BCR: variants seen among roughly 807,000 people sequenced by gnomAD.
The protein encoded by BCR is BCR activator of RhoGEF and GTPase, also known as breakpoint cluster region protein.
In BCR, 58 loss-of-function variants were observed where a neutral mutation model predicts 138.6. The observed-to-expected ratio is 0.42, with a 90% CI of 0.34 to 0.52. The LOEUF (loss-of-function observed/expected upper bound fraction) is 0.52, where lower values mean the gene tolerates loss of function less well. Among genes scored for constraint, BCR ranks in the 20% least tolerant of loss-of-function variants. The pLI, the probability that BCR is intolerant of heterozygous loss-of-function variation, is 0.06. For missense variants in BCR, 1,599 were observed against 1,727.2 expected, an observed-to-expected ratio of 0.93 and a Z score of 1.32; for synonymous variants, 786 against 730.1, an observed-to-expected ratio of 1.08 and a Z score of -1.23.
chr22:23,195,182 A>T (rs2072463063), intron 1 of BCR, among the ~76,000 whole-genome samples: 1 of 151,844 alleles, frequency 6.6e-6, no homozygotes, highest in South Asian at 2.1e-4. Context: ...GCACTTTGGG[A>T]GGCCGAGGCA....
At chr22:23,291,810 A>G (rs1159734182) in intron 14 of BCR, among the ~76,000 whole-genome samples, 2 of 152,080 alleles carry the variant, frequency 1.3e-5, no homozygotes, top group Non-Finnish European at 1.5e-5. Context: ...GCCATTCTCC[A>G]TCAGTGAGGC....
At chr22:23,233,132 G>T (rs1053411600) in intron 1 of BCR, among the ~76,000 whole-genome samples, 1 of 152,134 alleles carries the variant, frequency 6.6e-6, no homozygotes, top group South Asian at 2.1e-4. Flanking sequence ...GGACCCCTTG[G>T]CATCTCCAGG....
chr22:23,194,224 C>T (rs555023959), intron 1 of BCR, among the ~76,000 whole-genome samples: 1 of 152,256 alleles, frequency 6.6e-6, no homozygotes, highest in South Asian at 2.1e-4. Flanking sequence ...CCACTTTCTC[C>T]CTTAGGAACA....
intron 16 of BCR, among the ~76,000 whole-genome samples, chr22:23,296,445 C>T (rs1210815603): frequency 6.6e-6 from 1 of 151,696 alleles, no homozygotes; most frequent in African/African-American, 2.4e-5. Context: ...TTCCCTGAGT[C>T]ACCTGTCATC....
In BCR at chr22:23,181,104, G is replaced by A; in HGVS notation, c.144G>A (p.Glu48=). The change falls in exon 1 of 23, where the codon GAG becomes GAA. Residue 48 remains glutamate (E), a synonymous_variant. Transcript: ENST00000305877. ...CCTCCATTCGGCGCCTGGAGCAGGAGGTGAACCAGGAGCGCTTCCGCATGA... is the reference window on the plus strand; with the variant it reads ...CCTCCATTCGGCGCCTGGAGCAGGAAGTGAACCAGGAGCGCTTCCGCATGA... ...CKASIRRLEQ[E]VNQERFRMIY... is the part of the protein sequence containing the mutation. 1 of 1,509,040 alleles carries A rather than the reference G, an allele frequency of 6.6e-7. No homozygotes were observed. The highest frequency in any genetic ancestry group is 8.9e-7 in the Non-Finnish European group (1 of 1,121,888). 93.5% of individuals were successfully genotyped at this position (1,509,040 alleles called of 1,614,324 possible). A position where few individuals can be genotyped will look rare whatever the true frequency, so the allele number is the denominator to read the frequency against.
At chr22:23,213,853 A>G (rs1467027874) in intron 1 of BCR, among the ~76,000 whole-genome samples, 2 of 148,462 alleles carry the variant, frequency 1.3e-5, no homozygotes, top group Non-Finnish European at 2.9e-5. Context: ...AAAAAAAAGA[A>G]GAAGAAGGAG....
At chr22:23,297,869 A>T (rs2146314921) in intron 16 of BCR, among the ~76,000 whole-genome samples, 1 of 152,292 alleles carries the variant, frequency 6.6e-6, no homozygotes, top group Admixed American at 6.5e-5. Context: ...TTATCATGTC[A>T]GGCCATCTTT....
intron 1 of BCR, among the ~76,000 whole-genome samples, chr22:23,236,377 A>G (rs978104069): frequency 6.6e-6 from 1 of 152,162 alleles, no homozygotes; most frequent in African/African-American, 2.4e-5. Flanking sequence ...TGTGTTGCTG[A>G]CTTATGAGAC....
At chr22:23,297,958 G>A (rs2073864341) in intron 16 of BCR, among the ~76,000 whole-genome samples, 1 of 152,168 alleles carries the variant, frequency 6.6e-6, no homozygotes, top group South Asian at 2.1e-4. Context: ...GGTGCTGGCT[G>A]AGCACCCCAC....
intron 1 of BCR, among the ~76,000 whole-genome samples, chr22:23,214,159 C>A (rs946912935): frequency 1.3e-5 from 2 of 149,564 alleles, no homozygotes; most frequent in African/African-American, 2.5e-5. Context: ...TGACAGATAG[C>A]GGGAGAGGAT....
chr22:23,223,094 C>T (rs11913254), intron 1 of BCR, among the ~76,000 whole-genome samples: 4,063 of 152,286 alleles, frequency 0.027, 83 homozygotes, highest in Non-Finnish European at 0.038. Flanking sequence ...TCCACCCTTA[C>T]GACCTCATCA....
At chr22:23,301,209 G>A (rs2073898656) in intron 16 of BCR, among the ~76,000 whole-genome samples, 1 of 152,272 alleles carries the variant, frequency 6.6e-6, no homozygotes, top group South Asian at 2.1e-4. Flanking sequence ...GGGAAGCCAA[G>A]GTAGGAGAAT....
At position 23,290,355 on chromosome 22, in the gene BCR, G is replaced by T. The variant is rs539457748; in HGVS notation, c.2724G>T (p.Gly908=). Residue 908 remains glycine, a synonymous_variant, in exon 14 of 23, where the codon GGG becomes GGT. Coordinates refer to ENST00000305877, the MANE Select transcript of BCR (RefSeq NM_004327.4). ...CTTGCGCAGATGATGAGTCTCCGGG[G>T]CTCTATGGGTTTCTGAATGTCATCG... ...TINKEDDESP[G]LYGFLNVIVH... 4 of 1,614,086 alleles carry T rather than the reference G, an allele frequency of 2.5e-6. No homozygotes were observed. The Admixed American group carries it at 5.0e-5, about 20-fold the overall frequency.
chr22:23,285,938 C>T (rs1286610584), intron 10 of BCR, among the ~76,000 whole-genome samples: 2 of 152,188 alleles, frequency 1.3e-5, no homozygotes, highest in Non-Finnish European at 2.9e-5. Flanking sequence ...GTCAGCCGGG[C>T]GGGAGAGAGG....
intron 1 of BCR, among the ~76,000 whole-genome samples, chr22:23,202,214 T>A (rs1452856034): frequency 6.6e-6 from 1 of 152,160 alleles, no homozygotes; most frequent in Non-Finnish European, 1.5e-5. Flanking sequence ...TTAAATAGCT[T>A]CACTGAGGTA....
chr22:23,293,902 G>A (rs370579982), intron 15 of BCR, among the ~76,000 whole-genome samples: 6 of 150,828 alleles, frequency 4.0e-5, no homozygotes, highest in South Asian at 2.1e-4. Flanking sequence ...GCGCGCACAC[G>A]CCTCGGTGTG....
Position 23,181,598 on chromosome 22 carries a change from A to G in BCR, c.638A>G (p.Lys213Arg), listed in dbSNP as rs539944551. The stretch of plus-strand genomic sequence containing the variant: ...AGCCAGGCCATGCAGATGGAGCGCA[A>G]AAAGTCCCAGCACGGCGCGGGCTCG... ...LGSQAMQMER[K>R]KSQHGAGSSV... is the part of the protein sequence containing the mutation. Residue 213 changes from lysine (K) to arginine (R), a missense_variant, in exon 1 of 23, where the codon AAA becomes AGA. Lys to Arg is a conservative substitution (Grantham distance 26). Coordinates refer to ENST00000305877, the MANE Select transcript of BCR (RefSeq NM_004327.4). 1.6e-5 allele frequency: 25 copies of G among 1,612,630 alleles called. No individual in the cohort carries two copies. Among genetic ancestry groups the G allele is most frequent in the South Asian group, 3.3e-5 (3 of 91,082 alleles).
intron 1 of BCR, among the ~76,000 whole-genome samples, chr22:23,224,892 A>AG (rs2072870509): frequency 6.6e-6 from 1 of 152,012 alleles, no homozygotes. Flanking sequence ...CCCCAAAAAA[A>AG]CAAAACCTGG....
chr22:23,292,432 T>A (rs748360625), intron 14 of BCR, 109 bp from the exon 15 acceptor site: 85 of 882,496 alleles, frequency 9.6e-5, no homozygotes, highest in Admixed American at 1.7e-4. Flanking sequence ...ACAACCTTTT[T>A]TTTTTATTTT....
Sources: allele counts gnomAD v4.1 joint callset (sites outside exome capture counted in the v4.1 genomes callset), GRCh38; gene constraint gnomAD v4.1.1; transcripts MANE v1.5; gene names NCBI Gene and HGNC (gene_info 2026-07-23, HGNC 2026-07-21).